The following CDIN1 variants were observed in gnomAD, a reference collection of about 807,000 sequenced individuals.
CDIN1 encodes the protein CDAN1-interacting nuclease 1.
In CDIN1, 33 loss-of-function variants were observed where a neutral mutation model predicts 45.3. The ratio of observed to expected loss-of-function variants is 0.73; its 90% CI spans 0.55 to 0.97. The LOEUF (loss-of-function observed/expected upper bound fraction) is 0.97, where lower values mean the gene tolerates loss of function less well. CDIN1 is among the 50% of genes least tolerant of loss of function. The pLI is 0.00. For missense variants in CDIN1, 303 were observed against 339.4 expected, an observed-to-expected ratio of 0.89 and a Z score of 0.84; for synonymous variants, 118 against 124.4, an observed-to-expected ratio of 0.95 and a Z score of 0.34.
chr15:36,641,463 T>G (rs961093755), intron 1 of CDIN1: 1 of 152,280 alleles, frequency 6.6e-6, no homozygotes, highest in Admixed American at 6.5e-5. Context: ...TCCACTCACA[T>G]GCTCTCCTTT....
chr15:36,617,998 A>C, intron 1 of CDIN1: 2 of 786,364 alleles, frequency 2.5e-6, no homozygotes, highest in Non-Finnish European at 4.7e-6. Flanking sequence ...ATGCCTCCCC[A>C]GTCTTTATGC....
At chr15:36,800,203 T>C (rs1230124190) in intron 10 of CDIN1, among the ~76,000 whole-genome samples, 1 of 152,162 alleles carries the variant, frequency 6.6e-6, no homozygotes, top group East Asian at 1.9e-4. Flanking sequence ...TTCAAAGAGA[T>C]AAAGTTGCAC....
chr15:36,723,349 TAGG>T (rs1289602602), intron 10 of CDIN1, among the ~76,000 whole-genome samples: 1 of 152,102 alleles, frequency 6.6e-6, no homozygotes, highest in Non-Finnish European at 1.5e-5. Flanking sequence ...CTCATATAAA[TAGG>T]AGGCTATTTT....
At chr15:36,756,066 A>AT (rs1346168774) in intron 10 of CDIN1, 2 of 455,840 alleles carry the variant, frequency 4.4e-6, no homozygotes, top group African/African-American at 2.0e-5. Context: ...ACAAATTCCT[A>AT]TGAGGACTGG....
chr15:36,768,136 G>C (rs906346516), intron 10 of CDIN1, among the ~76,000 whole-genome samples: 2 of 152,212 alleles, frequency 1.3e-5, no homozygotes, highest in African/African-American at 4.8e-5. Flanking sequence ...AAGCCAGACA[G>C]TGTTGGCCTG....
intron 10 of CDIN1, among the ~76,000 whole-genome samples, chr15:36,768,077 C>G (rs561009963): frequency 4.6e-5 from 7 of 152,320 alleles, no homozygotes; most frequent in African/African-American, 9.6e-5. Flanking sequence ...CCTCCCACCC[C>G]CAGGACCCCT....
At chr15:36,714,018 T>G (rs931253629) in intron 10 of CDIN1, among the ~76,000 whole-genome samples, 4 of 152,222 alleles carry the variant, frequency 2.6e-5, no homozygotes, top group African/African-American at 9.6e-5. Flanking sequence ...TTGTATTTAC[T>G]GATGTCTGAC....
chr15:36,682,498 G>A (rs2041885895), intron 5 of CDIN1, among the ~76,000 whole-genome samples: 1 of 151,578 alleles, frequency 6.6e-6, no homozygotes, highest in Admixed American at 6.6e-5. Context: ...TTTGGGCTGG[G>A]CAAGGTCACA....
chr15:36,799,463 C>T (rs2054936899), intron 10 of CDIN1: 1 of 152,150 alleles, frequency 6.6e-6, no homozygotes, highest in Non-Finnish European at 1.5e-5. Flanking sequence ...CCCTCTAAGT[C>T]TCTCGGGACC....
chr15:36,585,155 T>C (rs13329362), intron 1 of CDIN1, among the ~76,000 whole-genome samples: 55,166 of 151,790 alleles, frequency 0.36, 10,120 homozygotes, highest in Middle Eastern at 0.46. Context: ...GTTTTTGGGA[T>C]AATTTTAAGC....
At chr15:36,756,845 T>TG (rs1376291502) in intron 10 of CDIN1, among the ~76,000 whole-genome samples, 1 of 151,864 alleles carries the variant, frequency 6.6e-6, no homozygotes, top group African/African-American at 2.4e-5. Context: ...GCTTTTCGAG[T>TG]GGTAATAAGG....
intron 10 of CDIN1, among the ~76,000 whole-genome samples, chr15:36,745,843 G>C (rs977840036): frequency 6.6e-6 from 1 of 152,022 alleles, no homozygotes; most frequent in Non-Finnish European, 1.5e-5. Flanking sequence ...GTGGATGCCT[G>C]TAATCCCAGC....
intron 10 of CDIN1, among the ~76,000 whole-genome samples, chr15:36,775,521 G>A (rs1351407304): frequency 1.3e-5 from 2 of 152,168 alleles, no homozygotes; most frequent in Non-Finnish European, 2.9e-5. Flanking sequence ...GCCTATGACA[G>A]GCCCTGATTA....
chr15:36,601,702 C>A (rs2038113426), intron 1 of CDIN1, among the ~76,000 whole-genome samples: 1 of 152,308 alleles, frequency 6.6e-6, no homozygotes, highest in South Asian at 2.1e-4. Flanking sequence ...TAACTGTCTA[C>A]ATTAGACCTT....
At chr15:36,704,071 A>G (rs904077076) in intron 8 of CDIN1, among the ~76,000 whole-genome samples, 4 of 152,156 alleles carry the variant, frequency 2.6e-5, no homozygotes, top group African/African-American at 9.7e-5. Flanking sequence ...ATTTAGCATG[A>G]TCTGGTATAA....
chr15:36,717,385 C>A (rs1280853636), intron 10 of CDIN1, among the ~76,000 whole-genome samples: 1 of 152,112 alleles, frequency 6.6e-6, no homozygotes, highest in Non-Finnish European at 1.5e-5. Context: ...CTGTTGATTA[C>A]TTTGCTTCTA....
intron 10 of CDIN1, among the ~76,000 whole-genome samples, chr15:36,780,007 C>T (rs1344448175): frequency 6.6e-6 from 1 of 152,138 alleles, no homozygotes; most frequent in Admixed American, 6.5e-5. Flanking sequence ...TGAGTTTTCT[C>T]TCTTCAATCT....
chr15:36,774,463 T>C lies in CDIN1; in HGVS notation c.717-33861T>C, dbSNP rs539256472. 5.9e-5 allele frequency among the ~76,000 whole-genome samples: 9 copies of C among 152,154 alleles called. No individual in the cohort carries two copies. In the East Asian group the frequency reaches 1.7e-3, roughly 29 times the overall value. On this transcript the variant is annotated intron_variant, in intron 10 of 10. Transcript: ENST00000566621. ...CGGACCTAGGACAGTCTAAAATAAA[T>C]TGAACCAAGAATTTAACTTTTCATT...
At chr15:36,649,377 T>G (rs1049572625) in intron 3 of CDIN1, among the ~76,000 whole-genome samples, 1 of 152,176 alleles carries the variant, frequency 6.6e-6, no homozygotes, top group Non-Finnish European at 1.5e-5. Flanking sequence ...TATATTAAGG[T>G]GACCTGGGCT....
Sources: gnomAD v4.1 joint callset for allele counts (sites outside exome capture counted in the v4.1 genomes callset) on GRCh38, gnomAD v4.1.1 for gene constraint, MANE v1.5 for transcripts, NCBI Gene and HGNC (gene_info 2026-07-23, HGNC 2026-07-21) for gene names.